FILIP1L: variants seen among roughly 807,000 people sequenced by gnomAD.
The protein encoded by FILIP1L is filamin A interacting protein 1 like.
A neutral mutation model predicts 96.6 loss-of-function variants in FILIP1L; 55 were observed. The observed-to-expected ratio is 0.57, with a 90% CI of 0.46 to 0.71. FILIP1L has a LOEUF of 0.71. FILIP1L is among the 30% of genes least tolerant of loss of function. The pLI is 0.00. For synonymous variants in FILIP1L, 467 were observed against 473.9 expected (o/e 0.99, Z 0.19); for missense variants, 1,304 against 1,321.2 (o/e 0.99, Z 0.20).
intron 1 of FILIP1L, among the ~76,000 whole-genome samples, chr3:99,969,021 A>G (rs1241310919): frequency 6.6e-6 from 1 of 152,208 alleles, no homozygotes; most frequent in African/African-American, 2.4e-5. Flanking sequence ...GCTTAGAGGA[A>G]AGAGTAAATA....
chr3:100,074,874 A>G (rs1224133080), intron 1 of FILIP1L, among the ~76,000 whole-genome samples: 5 of 150,928 alleles, frequency 3.3e-5, no homozygotes, highest in African/African-American at 1.2e-4. Flanking sequence ...TTGTCTTTTT[A>G]ATAGAGACAG....
At chr3:99,858,208 A>G (rs773137640) in intron 4 of FILIP1L, among the ~76,000 whole-genome samples, 4 of 152,170 alleles carry the variant, frequency 2.6e-5, no homozygotes, top group East Asian at 1.9e-4. Context: ...GCTCACACCT[A>G]TAATCCCAGC....
intron 1 of FILIP1L, among the ~76,000 whole-genome samples, chr3:99,961,920 A>G (rs1270453203): frequency 6.6e-6 from 1 of 152,096 alleles, no homozygotes; most frequent in Non-Finnish European, 1.5e-5. Flanking sequence ...GGGACCAAGT[A>G]GTCTGTGATT....
intron 4 of FILIP1L, among the ~76,000 whole-genome samples, chr3:99,899,936 A>G (rs531279106): frequency 6.6e-6 from 1 of 152,342 alleles, no homozygotes; most frequent in East Asian, 1.9e-4. Context: ...TTACTAGTAC[A>G]TTCCTAAGGT....
chr3:99,907,351 C>T (rs1706651608), intron 4 of FILIP1L, among the ~76,000 whole-genome samples: 1 of 152,028 alleles, frequency 6.6e-6, no homozygotes, highest in South Asian at 2.1e-4. Context: ...GGGTTCATGC[C>T]ATTCTCCTGC....
intron 1 of FILIP1L, chr3:100,075,770 T>C (rs2065840294): frequency 2.0e-5 from 3 of 152,238 alleles, no homozygotes; most frequent in Non-Finnish European, 2.9e-5. Context: ...GTAACATCGT[T>C]GGACCTGAAA....
chr3:99,961,532 C>T lies in FILIP1L; in HGVS notation c.-10-30502G>A, dbSNP rs78958676. ...TTTGCCAGCCCATGTGTGAACCCAT[C>T]CAGTGACGTGCAGCTGAATACTGGT... On this transcript the variant is annotated intron_variant, in intron 1 of 5. Transcript: ENST00000477258. Among the ~76,000 whole-genome samples the T allele has an allele frequency of 8.7e-3, 1,324 of 152,196 alleles. 20 individuals are homozygous for T. Among genetic ancestry groups the T allele is most frequent in the African/African-American group, 0.026 (1,095 of 41,518 alleles).
chr3:99,927,392 G>A (rs562443579), intron 3 of FILIP1L, among the ~76,000 whole-genome samples: 2 of 148,320 alleles, frequency 1.3e-5, no homozygotes, highest in Non-Finnish European at 1.5e-5. Context: ...TTTTTGAGAC[G>A]GAGTTTCGCT....
chr3:99,895,378 T>G (rs1706215773), intron 4 of FILIP1L, among the ~76,000 whole-genome samples: 1 of 125,422 alleles, frequency 8.0e-6, no homozygotes, highest in Admixed American at 8.0e-5. Context: ...TCAGCAGGAC[T>G]TTTTTTTTTT....
At chr3:99,931,542 G>A (rs1432940195) in intron 1 of FILIP1L, among the ~76,000 whole-genome samples, 2 of 152,066 alleles carry the variant, frequency 1.3e-5, no homozygotes, top group Admixed American at 1.3e-4. Context: ...GACAGAAATG[G>A]CAGAGTTACT....
chr3:99,969,992 T>C (rs1708766829), intron 1 of FILIP1L, among the ~76,000 whole-genome samples: 1 of 152,082 alleles, frequency 6.6e-6, no homozygotes, highest in Non-Finnish European at 1.5e-5. Flanking sequence ...CATTAGGGAG[T>C]AATGGTTTAG....
intron 1 of FILIP1L, chr3:100,109,913 C>A (rs1378985371): frequency 2.4e-5 from 3 of 123,174 alleles, no homozygotes; most frequent in South Asian, 3.4e-4. Flanking sequence ...ACCCCCCCCC[C>A]CCAGCACCAC....
At chr3:99,865,699 G>A (rs1415791382) in intron 4 of FILIP1L, among the ~76,000 whole-genome samples, 1 of 151,766 alleles carries the variant, frequency 6.6e-6, no homozygotes, top group Non-Finnish European at 1.5e-5. Context: ...AAAGTTCTTG[G>A]AAAATATTTT....
At chr3:99,919,937 A>T (rs980486825) in intron 4 of FILIP1L, among the ~76,000 whole-genome samples, 10 of 152,174 alleles carry the variant, frequency 6.6e-5, no homozygotes, top group Non-Finnish European at 1.5e-4. Flanking sequence ...ATCTAGTCAA[A>T]CTTGGACAGA....
At chr3:99,843,071 G>A (rs2107509338) in intron 5 of FILIP1L, among the ~76,000 whole-genome samples, 1 of 152,318 alleles carries the variant, frequency 6.6e-6, no homozygotes, top group South Asian at 2.1e-4. Context: ...TGGGGTTTAA[G>A]GTTTGAGAAC....
chr3:99,936,369 CTTTT>C (rs548149257), intron 1 of FILIP1L, among the ~76,000 whole-genome samples: 5 of 86,370 alleles, frequency 5.8e-5, no homozygotes, highest in South Asian at 4.3e-4. Flanking sequence ...AGCTTGAAGC[CTTTT>C]TTTTTTTTTT....
intron 1 of FILIP1L, among the ~76,000 whole-genome samples, chr3:99,972,949 T>A (rs1708865278): frequency 6.6e-6 from 1 of 152,214 alleles, no homozygotes; most frequent in South Asian, 2.1e-4. Context: ...AGAGCATCTT[T>A]TGATCTTCAC....
At chr3:100,074,353 G>A (rs2065812571) in intron 1 of FILIP1L, among the ~76,000 whole-genome samples, 1 of 152,124 alleles carries the variant, frequency 6.6e-6, no homozygotes, top group Admixed American at 6.6e-5. Context: ...CAATGTTGTG[G>A]CTTTATTAAA....
intron 1 of FILIP1L, among the ~76,000 whole-genome samples, chr3:99,992,783 T>G (rs1709562190): frequency 6.6e-6 from 1 of 152,070 alleles, no homozygotes; most frequent in Admixed American, 6.5e-5. Flanking sequence ...TGTTCTAAGG[T>G]TTTTATGGTT....
Sources: allele counts gnomAD v4.1 joint callset (sites outside exome capture counted in the v4.1 genomes callset), GRCh38; gene constraint gnomAD v4.1.1; transcripts MANE v1.5; gene names NCBI Gene and HGNC (gene_info 2026-07-23, HGNC 2026-07-21).